The following CLASP1 variants were observed in gnomAD, a reference collection of about 807,000 sequenced individuals.
CLASP1 encodes cytoplasmic linker associated protein 1, also known as CLIP-associating protein 1.
In CLASP1, 38 loss-of-function variants were observed where a neutral mutation model predicts 192.3. The observed-to-expected ratio is 0.20, with a 90% CI of 0.15 to 0.26. The LOEUF is 0.26. Ranked by LOEUF, CLASP1 falls within the 10% of genes least tolerant of loss-of-function variation. The pLI is 1.00. For synonymous variants in CLASP1, 691 were observed against 712.8 expected, an observed-to-expected ratio of 0.97 and a Z score of 0.49; for missense variants, 1,433 against 1,932.5, an observed-to-expected ratio of 0.74 and a Z score of 4.85.
chr2:121,478,924 A>ACCCC (rs1559369471), intron 8 of CLASP1, among the ~76,000 whole-genome samples: 26 of 52,840 alleles, frequency 4.9e-4, no homozygotes, highest in African/African-American at 2.0e-3. Flanking sequence ...CCACACACAC[A>ACCCC]CCACACAACA....
chr2:121,374,388 C>T (rs2069486747), intron 34 of CLASP1, among the ~76,000 whole-genome samples: 1 of 152,204 alleles, frequency 6.6e-6, no homozygotes, highest in African/African-American at 2.4e-5. Context: ...GGGCAGAGCC[C>T]TCATGGAGAA....
At chr2:121,478,800 CCACACA>C (rs1418634141) in intron 8 of CLASP1, among the ~76,000 whole-genome samples, 9 of 21,664 alleles carry the variant, frequency 4.2e-4, no homozygotes, top group South Asian at 3.8e-3. Context: ...ACACCACACA[CCACACA>C]CACACCCCAC....
At chr2:121,476,470 T>C (rs1247073113) in intron 8 of CLASP1, among the ~76,000 whole-genome samples, 1 of 152,240 alleles carries the variant, frequency 6.6e-6, no homozygotes, top group Non-Finnish European at 1.5e-5. Flanking sequence ...TGTCTGGAAC[T>C]TGTAATTAGA....
intron 16 of CLASP1, among the ~76,000 whole-genome samples, chr2:121,449,720 A>G (rs1444696710): frequency 1.3e-5 from 2 of 152,222 alleles, no homozygotes; most frequent in African/African-American, 4.8e-5. Context: ...ATTTTGGTAG[A>G]AACTAGCAAA....
intron 19 of CLASP1, among the ~76,000 whole-genome samples, chr2:121,440,084 T>TAA (rs151325256): frequency 1.5e-4 from 18 of 120,390 alleles, no homozygotes; most frequent in East Asian, 4.4e-4. Context: ...AAAGTATAAT[T>TAA]AAAAAAAAAA....
chr2:121,607,198 G>A (rs1230346535), intron 1 of CLASP1, among the ~76,000 whole-genome samples: 1 of 152,080 alleles, frequency 6.6e-6, no homozygotes, highest in Admixed American at 6.6e-5. Context: ...AACTAGCCAG[G>A]TGTGGTGGTG....
intron 2 of CLASP1, among the ~76,000 whole-genome samples, chr2:121,570,954 C>T (rs919999652): frequency 1.3e-5 from 2 of 151,884 alleles, no homozygotes; most frequent in African/African-American, 4.8e-5. Flanking sequence ...TTTGGATGCC[C>T]ATTAGAATCT....
At chr2:121,390,403 T>C (rs1367775118) in intron 30 of CLASP1, among the ~76,000 whole-genome samples, 1 of 152,228 alleles carries the variant, frequency 6.6e-6, no homozygotes, top group Non-Finnish European at 1.5e-5. Context: ...CTGCTGACTT[T>C]TTCTAATGGG....
intron 34 of CLASP1, 25 bp downstream of exon 35, chr2:121,377,474 T>A (rs1558945080): frequency 1.9e-6 from 3 of 1,573,056 alleles, no homozygotes; most frequent in Non-Finnish European, 2.6e-6. Context: ...CATACAGAGT[T>A]CTCTTTTAGC....
At chr2:121,356,479 A>G (rs915187811) in intron 37 of CLASP1, among the ~76,000 whole-genome samples, 1 of 152,212 alleles carries the variant, frequency 6.6e-6, no homozygotes, top group African/African-American at 2.4e-5. Context: ...CCAGGCTATA[A>G]GTCTGGAGAC....
At chr2:121,420,941 A>C (rs1422010769) in intron 22 of CLASP1, among the ~76,000 whole-genome samples, 1 of 152,260 alleles carries the variant, frequency 6.6e-6, no homozygotes, top group Non-Finnish European at 1.5e-5. Context: ...TAAATTTCTT[A>C]ACAAGGTTTA....
chr2:121,621,626 GA>G (rs771008286), intron 1 of CLASP1, among the ~76,000 whole-genome samples: 74 of 152,300 alleles, frequency 4.9e-4, no homozygotes, highest in South Asian at 1.7e-3. Flanking sequence ...ACCATAAACA[GA>G]AGGGTTTAGT....
chr2:121,373,637 C>T (rs1007464643), intron 34 of CLASP1, among the ~76,000 whole-genome samples: 8 of 152,144 alleles, frequency 5.3e-5, no homozygotes, highest in Non-Finnish European at 8.8e-5. Flanking sequence ...ATGAGGTGGT[C>T]TCAGATGAAG....
At chr2:121,519,762 GT>G (rs2094414478) in intron 6 of CLASP1, among the ~76,000 whole-genome samples, 1 of 152,202 alleles carries the variant, frequency 6.6e-6, no homozygotes. Flanking sequence ...GCATTTAGGG[GT>G]CTAAACTATT....
chr2:121,455,816 T>C (rs528259933), intron 14 of CLASP1, among the ~76,000 whole-genome samples: 1 of 152,012 alleles, frequency 6.6e-6, no homozygotes, highest in Admixed American at 6.6e-5. Flanking sequence ...GAGCCATGAT[T>C]GTGCCACTGC....
chr2:121,418,578 G>T, intron 23 of CLASP1, 44 bp downstream of exon 23: 1 of 1,361,260 alleles, frequency 7.3e-7, no homozygotes, highest in Non-Finnish European at 1.1e-6. Flanking sequence ...GACAAGCAGG[G>T]AAAGGAACTC....
chr2:121,371,337 A>G (rs1237430318), intron 34 of CLASP1, among the ~76,000 whole-genome samples: 1 of 151,406 alleles, frequency 6.6e-6, no homozygotes, highest in South Asian at 2.1e-4. Flanking sequence ...CTTAAGCAAT[A>G]CTCTCACTGC....
chr2:121,341,301 T>A (rs554061233), intron 39 of CLASP1, among the ~76,000 whole-genome samples: 11 of 152,080 alleles, frequency 7.2e-5, no homozygotes, highest in Non-Finnish European at 1.6e-4. Flanking sequence ...AAAGGCTCCA[T>A]CAGAGCCAGG....
chr2:121,447,031 G>C (rs541310278), intron 19 of CLASP1, among the ~76,000 whole-genome samples: 36 of 152,314 alleles, frequency 2.4e-4, no homozygotes, highest in African/African-American at 8.2e-4. Flanking sequence ...AATATGGGAG[G>C]TGGCTGGGCT....
Sources: gnomAD v4.1 joint callset for allele counts (sites outside exome capture counted in the v4.1 genomes callset) on GRCh38, gnomAD v4.1.1 for gene constraint, MANE v1.5 for transcripts, NCBI Gene and HGNC (gene_info 2026-07-23, HGNC 2026-07-21) for gene names.